The following PIKFYVE variants were observed in gnomAD, a reference collection of about 807,000 sequenced individuals.
The protein encoded by PIKFYVE is phosphoinositide kinase, FYVE-type zinc finger containing, also known as 1-phosphatidylinositol 3-phosphate 5-kinase.
PIKFYVE carries 122 observed loss-of-function variants against 257.9 expected under a neutral mutation model. The observed-to-expected ratio is 0.47, with a 90% CI of 0.41 to 0.55. The LOEUF (loss-of-function observed/expected upper bound fraction) is 0.55. PIKFYVE is among the 20% of genes least tolerant of loss of function. PIKFYVE has a pLI of 0.00. For synonymous variants in PIKFYVE, 892 were observed against 868.9 expected, an observed-to-expected ratio of 1.03 and a Z score of -0.47; for missense variants, 2,160 against 2,536.6, an observed-to-expected ratio of 0.85 and a Z score of 3.19.
At chr2:208,335,511 A>G in intron 25 of PIKFYVE, 92 bp downstream of exon 25, 3 of 1,113,176 alleles carry the variant, frequency 2.7e-6, no homozygotes, top group East Asian at 2.5e-5. Flanking sequence ...TGAAAATGTA[A>G]ATTTTCTAAT....
intron 12 of PIKFYVE, 59 bp downstream of exon 12, chr2:208,305,072 C>G (rs1215260082): frequency 6.2e-7 from 1 of 1,608,038 alleles, no homozygotes; most frequent in East Asian, 2.2e-5. Context: ...GCCATAGGAT[C>G]TCATGCCAGC....
chr2:208,350,404 G>C (rs938778915), intron 36 of PIKFYVE, among the ~76,000 whole-genome samples: 3 of 152,004 alleles, frequency 2.0e-5, no homozygotes, highest in African/African-American at 7.2e-5. Context: ...TGCCAGAAAC[G>C]TATTATCCAG....
intron 1 of PIKFYVE, among the ~76,000 whole-genome samples, chr2:208,266,768 C>T (rs796512208): frequency 2.6e-5 from 4 of 152,288 alleles, no homozygotes; most frequent in African/African-American, 9.6e-5. Flanking sequence ...TGCATGAGTT[C>T]TGAGTTTGTC....
At position 208,336,856 on chromosome 2, in the gene PIKFYVE, A is replaced by G. The variant is rs1698190448; in HGVS notation, c.4539A>G (p.Gln1513=). 1.2e-6 allele frequency: 2 copies of G among 1,612,774 alleles called. No homozygotes were observed. Among genetic ancestry groups the G allele is most frequent in the South Asian group, 1.1e-5 (1 of 91,070 alleles). Residue 1513 remains glutamine, a synonymous_variant, in exon 28 of 42, where the codon CAA becomes CAG. Transcript: ENST00000264380. ...AWNNRLQDLF[Q]QEKGRKRPSV... ...GCCACAGGTTGCAGGACCTTTTCCA[A>G]CAGGAAAAGGGTAGAAAGAGACCTT...
chr2:208,266,312 T>G lies in PIKFYVE; in HGVS notation c.-113T>G, dbSNP rs1688616851. On this transcript the variant is annotated 5_prime_UTR_variant, in exon 1 of 42. Coordinates refer to ENST00000264380, the MANE Select transcript of PIKFYVE (RefSeq NM_015040.4). ...CTTCCTGCCGCAACCGTCCGCGGCC[T>G]GAGGAGCCCACCGCCGCTCTCGGGG... The G allele has an allele frequency of 6.6e-6, 1 of 151,634 alleles. No individual in the cohort carries two copies. Among genetic ancestry groups the G allele is most frequent in the African/African-American group, 2.4e-5 (1 of 41,126 alleles). The allele number at this position is 151,634 out of a possible 1,614,324, so 9.4% of individuals were successfully genotyped here. A position where few individuals can be genotyped will look rare whatever the true frequency, so the allele number is the denominator to read the frequency against.
chr2:208,292,804 G>A (rs1297603775), intron 7 of PIKFYVE, among the ~76,000 whole-genome samples: 3 of 151,876 alleles, frequency 2.0e-5, no homozygotes, highest in Non-Finnish European at 4.4e-5. Flanking sequence ...ATGTGTCTTT[G>A]TATTTAAATT....
intron 24 of PIKFYVE, 74 bp from the exon 25 acceptor site, chr2:208,335,232 A>G: frequency 1.0e-6 from 1 of 989,092 alleles, no homozygotes; most frequent in Non-Finnish European, 1.6e-6. Context: ...ATATAGTTGA[A>G]CATCATGATA....
intron 5 of PIKFYVE, among the ~76,000 whole-genome samples, chr2:208,285,241 A>G (rs910591743): frequency 6.6e-6 from 1 of 152,082 alleles, no homozygotes; most frequent in Non-Finnish European, 1.5e-5. Flanking sequence ...GATTACAGGT[A>G]TGCGTTACCA....
At chr2:208,283,659 C>A (rs1225799633) in intron 5 of PIKFYVE, among the ~76,000 whole-genome samples, 1 of 152,132 alleles carries the variant, frequency 6.6e-6, no homozygotes, top group Non-Finnish European at 1.5e-5. Context: ...CAGCTCACTG[C>A]AGCCTCAGCT....
intron 1 of PIKFYVE, chr2:208,270,038 T>A (rs1157124133): frequency 8.5e-6 from 1 of 117,570 alleles, no homozygotes. Flanking sequence ...GACTACAGTA[T>A]TTTTTTTTTT....
chr2:208,272,869 C>A (rs998146085), intron 2 of PIKFYVE, among the ~76,000 whole-genome samples: 1 of 152,036 alleles, frequency 6.6e-6, no homozygotes, highest in African/African-American at 2.4e-5. Flanking sequence ...CGTATACTCC[C>A]ATACCCAGTT....
intron 8 of PIKFYVE, among the ~76,000 whole-genome samples, chr2:208,300,408 AT>A (rs1693537275): frequency 6.6e-6 from 1 of 152,214 alleles, no homozygotes; most frequent in Non-Finnish European, 1.5e-5. Flanking sequence ...AAGGAAAGTT[AT>A]TTGGGACTAC....
At chr2:208,293,472 G>A (rs1692573827) in intron 7 of PIKFYVE, among the ~76,000 whole-genome samples, 2 of 151,936 alleles carry the variant, frequency 1.3e-5, no homozygotes, top group African/African-American at 2.4e-5. Context: ...CAGGTCTACT[G>A]GCAAAAAATT....
intron 2 of PIKFYVE, among the ~76,000 whole-genome samples, chr2:208,272,166 C>A (rs889580610): frequency 6.6e-6 from 1 of 151,440 alleles, no homozygotes; most frequent in African/African-American, 2.4e-5. Context: ...ACCCAGGAGG[C>A]GGGGCTTGCA....
At chr2:208,341,494 G>A (rs951717615) in intron 31 of PIKFYVE, among the ~76,000 whole-genome samples, 5 of 152,020 alleles carry the variant, frequency 3.3e-5, no homozygotes, top group Non-Finnish European at 7.4e-5. Context: ...GTCTTGGTCC[G>A]TTCATGCTGC....
At position 208,298,709 on chromosome 2, in the gene PIKFYVE, C is replaced by T; in HGVS notation, c.980C>T (p.Ser327Phe). 6.2e-7 allele frequency: 1 copy of T among 1,614,084 alleles called. No individual in the cohort carries two copies. Among genetic ancestry groups the T allele is most frequent in the Non-Finnish European group, 8.5e-7 (1 of 1,179,916 alleles). Residue 327 changes from serine (S) to phenylalanine (F), a missense_variant, in exon 8 of 42, where the codon TCT becomes TTT. By Grantham distance (155) the Ser-to-Phe change is radical. Transcript: ENST00000264380. ...GSPMVPSYET[S>F]VSPQANRTYV... ...CCTATGGTACCTTCATATGAGACATCTGTCAGTCCCCAGGCTAACCGAACA... is the reference window on the plus strand; with the variant it reads ...CCTATGGTACCTTCATATGAGACATTTGTCAGTCCCCAGGCTAACCGAACA...
At chr2:208,338,349 A>T (rs1698369318) in intron 28 of PIKFYVE, among the ~76,000 whole-genome samples, 159 bp from the exon 29 acceptor site, 2 of 152,180 alleles carry the variant, frequency 1.3e-5, no homozygotes, top group Non-Finnish European at 2.9e-5. Context: ...TTTCTAAGGT[A>T]AACAAAAGCT....
chr2:208,333,195 C>G, intron 23 of PIKFYVE, 120 bp from the exon 24 acceptor site: 3 of 996,652 alleles, frequency 3.0e-6, no homozygotes, highest in Non-Finnish European at 2.9e-6. Flanking sequence ...GATCGAGCCA[C>G]TGCACTCCAG....
Position 208,335,924 on chromosome 2 carries a change from A to G in PIKFYVE, c.4365+23A>G, listed in dbSNP as rs766725101. The G allele has an allele frequency of 8.8e-6, 14 of 1,593,652 alleles. No individual in the cohort carries two copies. In the African/African-American group the frequency reaches 1.8e-4, roughly 20 times the overall value. On this transcript the variant is annotated intron_variant, in intron 26 of 41. Coordinates refer to ENST00000264380, the MANE Select transcript of PIKFYVE (RefSeq NM_015040.4). ...GAGGTAATTTATTTCTTTGGTAGAA[A>G]ATTCAAAAGTTAATTATTGATTAAA...
Sources: allele counts gnomAD v4.1 joint callset (sites outside exome capture counted in the v4.1 genomes callset), GRCh38; gene constraint gnomAD v4.1.1; transcripts MANE v1.5; gene names NCBI Gene and HGNC (gene_info 2026-07-23, HGNC 2026-07-21).